The following FBXO11 variants were observed in gnomAD, a reference collection of about 807,000 sequenced individuals.
The protein encoded by FBXO11 is F-box only protein 11.
FBXO11 carries 13 observed loss-of-function variants against 117.0 expected under a neutral mutation model. The ratio of observed to expected loss-of-function variants is 0.11; its 90% CI spans 0.07 to 0.18. FBXO11 has a LOEUF of 0.18. FBXO11 is among the 10% of genes least tolerant of loss of function. The pLI is 1.00. For missense variants in FBXO11, 767 were observed against 1,164.4 expected, an observed-to-expected ratio of 0.66 and a Z score of 4.97; for synonymous variants, 490 against 380.5, an observed-to-expected ratio of 1.29 and a Z score of -3.35.
At position 47,886,193 on chromosome 2, in the gene FBXO11, A is replaced by G. The variant is rs926565280; in HGVS notation, c.232+19296T>C. On this transcript the variant is annotated intron_variant, in intron 1 of 22. Transcript: ENST00000403359. ...AGCTTAAAAACAGAAAAACCCTTTG[A>G]CCCAATAACCCACTTTTAAAAAGTG... 5.9e-5 allele frequency among the ~76,000 whole-genome samples: 9 copies of G among 152,158 alleles called. 1 individual carries two copies. The South Asian group carries it at 1.7e-3, about 28-fold the overall frequency.
chr2:47,884,491 T>C lies in FBXO11; in HGVS notation c.232+20998A>G, dbSNP rs570932202. 3.9e-5 allele frequency among the ~76,000 whole-genome samples: 6 copies of C among 152,368 alleles called. No homozygotes were observed. In the East Asian group the frequency reaches 1.2e-3, roughly 29 times the overall value. Reference sequence around the variant, plus strand: ...AATAACATAATCTGGAGTTTACATATGTCTTTCAGTTCACTGAAAACAGAG... The same window carrying C: ...AATAACATAATCTGGAGTTTACATACGTCTTTCAGTTCACTGAAAACAGAG... On this transcript the variant is annotated intron_variant, in intron 1 of 22. Coordinates refer to ENST00000403359, the MANE Select transcript of FBXO11 (RefSeq NM_001190274.2).
chr2:47,808,048 A>C lies in FBXO11; in HGVS notation c.*70T>G. 1 of 1,382,630 alleles carries C rather than the reference A, an allele frequency of 7.2e-7. No homozygotes were observed. Among genetic ancestry groups the C allele is most frequent in the East Asian group, 2.3e-5 (1 of 43,672 alleles). The allele number at this position is 1,382,630 out of a possible 1,614,324, so 85.6% of individuals were successfully genotyped here. On this transcript the variant is annotated 3_prime_UTR_variant, in exon 23 of 23. Transcript: ENST00000403359. ...TCCTGTAGCATGGGCAAATATTTTA[A>C]ATCTTCTTCCAAAAAAGTGTTTTAA...
At position 47,906,342 on chromosome 2, in the gene FBXO11, A is replaced by G. The variant is rs1678812904; in HGVS notation, c.-622T>C. 6.6e-6 allele frequency among the ~76,000 whole-genome samples: 1 copy of G among 151,672 alleles called. No individual in the cohort carries two copies. Among genetic ancestry groups the G allele is most frequent in the Admixed American group, 6.6e-5 (1 of 15,248 alleles). On this transcript the variant is annotated 5_prime_UTR_variant, in exon 1 of 23. Coordinates refer to ENST00000403359, the MANE Select transcript of FBXO11 (RefSeq NM_001190274.2). ...TTCTCTCCTCGGCGAAGGGGAAATGAGTGTGAAGGGAGGAGATAGGGGGAA... is the reference window on the plus strand; with the variant it reads ...TTCTCTCCTCGGCGAAGGGGAAATGGGTGTGAAGGGAGGAGATAGGGGGAA...
intron 1 of FBXO11, among the ~76,000 whole-genome samples, chr2:47,862,450 CTT>C (rs1423927759): frequency 6.6e-6 from 1 of 152,060 alleles, no homozygotes; most frequent in African/African-American, 2.4e-5. Context: ...GTGAGGCAAA[CTT>C]TTTATTTTTT....
chr2:47,814,949 A>C (rs1670906068), intron 16 of FBXO11, among the ~76,000 whole-genome samples: 1 of 152,208 alleles, frequency 6.6e-6, no homozygotes, highest in African/African-American at 2.4e-5. Flanking sequence ...CTCTTTGCTC[A>C]TCCGTAAGAA....
At chr2:47,811,940 C>T (rs945671506) in intron 18 of FBXO11, among the ~76,000 whole-genome samples, 2 of 151,928 alleles carry the variant, frequency 1.3e-5, no homozygotes, top group Non-Finnish European at 2.9e-5. Context: ...TAACATGTCC[C>T]ACCCCCTGCC....
chr2:47,866,069 T>C (rs1042017296), intron 1 of FBXO11, among the ~76,000 whole-genome samples: 18 of 151,678 alleles, frequency 1.2e-4, no homozygotes, highest in South Asian at 4.2e-4. Flanking sequence ...CTGGGCAACA[T>C]AGCAAGACTC....
rs564272608 is a variant in FBXO11 at position 47,852,963 on chromosome 2, A to G, written c.233-13194T>C. 8.5e-5 allele frequency among the ~76,000 whole-genome samples: 13 copies of G among 152,310 alleles called. No homozygotes were observed. The East Asian group carries it at 2.1e-3, about 25-fold the overall frequency. ...GAGCCCCCTACTCTTAATCTCTGTT[A>G]TACAATTAATTTTGCTAAATAATAT... On this transcript the variant is annotated intron_variant, in intron 1 of 22. Coordinates refer to ENST00000403359, the MANE Select transcript of FBXO11 (RefSeq NM_001190274.2).
chr2:47,887,932 C>T (rs1195864503), intron 1 of FBXO11, among the ~76,000 whole-genome samples: 3 of 152,050 alleles, frequency 2.0e-5, no homozygotes, highest in Admixed American at 6.6e-5. Context: ...GCAGAATGAT[C>T]TCTTGAGCCT....
At chr2:47,815,006 A>T (rs1435267702) in intron 16 of FBXO11, among the ~76,000 whole-genome samples, 1 of 152,188 alleles carries the variant, frequency 6.6e-6, no homozygotes. Flanking sequence ...GCAGCAATTC[A>T]GTCACATCTT....
rs953008490 is a variant in FBXO11, at chr2:47,883,644, G to C, written c.232+21845C>G. ...TTTATCTAACTACAACATTCAAAAG[G>C]AGTCTACTCTTCATCTTGTGTTGAG... is the stretch of plus-strand genomic sequence containing the variant. On this transcript the variant is annotated intron_variant, in intron 1 of 22. Coordinates refer to ENST00000403359, the MANE Select transcript of FBXO11 (RefSeq NM_001190274.2). 3.6e-5 allele frequency: 11 copies of C among 304,030 alleles called. No individual in the cohort carries two copies. In the East Asian group the frequency reaches 4.2e-4, roughly 11 times the overall value. 18.8% of individuals were successfully genotyped at this position (304,030 alleles called of 1,614,324 possible). A position where few individuals can be genotyped will look rare whatever the true frequency, so the allele number is the denominator to read the frequency against.
At chr2:47,850,020 T>C (rs1046465381) in intron 1 of FBXO11, among the ~76,000 whole-genome samples, 4 of 152,262 alleles carry the variant, frequency 2.6e-5, no homozygotes, top group Non-Finnish European at 1.5e-5. Context: ...TGGAAATGAA[T>C]AGCACTGGTG....
At chr2:47,842,373 C>G (rs1370750567) in intron 1 of FBXO11, among the ~76,000 whole-genome samples, 4 of 152,146 alleles carry the variant, frequency 2.6e-5, no homozygotes, top group African/African-American at 9.7e-5. Context: ...TGGCAAAGTT[C>G]TAGTTCTTGC....
At chr2:47,857,439 T>A (rs1474304951) in intron 1 of FBXO11, among the ~76,000 whole-genome samples, 2 of 152,126 alleles carry the variant, frequency 1.3e-5, no homozygotes, top group Non-Finnish European at 2.9e-5. Context: ...TATGGTCTCA[T>A]ACAGACATAC....
At chr2:47,839,809 T>A in intron 1 of FBXO11, 40 bp from the exon 2 acceptor site, 1 of 1,568,662 alleles carries the variant, frequency 6.4e-7, no homozygotes, top group Non-Finnish European at 8.6e-7. Flanking sequence ...TATACCCTTT[T>A]TAAAAAAAGT....
At chr2:47,894,179 T>A (rs975253173) in intron 1 of FBXO11, among the ~76,000 whole-genome samples, 2 of 152,178 alleles carry the variant, frequency 1.3e-5, no homozygotes, top group Non-Finnish European at 2.9e-5. Context: ...TCAAGGATGC[T>A]GGGCAGAGGC....
chr2:47,894,775 A>C (rs1015358938), intron 1 of FBXO11, among the ~76,000 whole-genome samples: 1 of 152,220 alleles, frequency 6.6e-6, no homozygotes, highest in African/African-American at 2.4e-5. Flanking sequence ...TGTGGATAAA[A>C]AATTTTAGCA....
At chr2:47,866,733 A>G (rs1478620674) in intron 1 of FBXO11, among the ~76,000 whole-genome samples, 1 of 152,024 alleles carries the variant, frequency 6.6e-6, no homozygotes, top group Non-Finnish European at 1.5e-5. Flanking sequence ...CGGCCTCCCA[A>G]AGTGCTGGGA....
At chr2:47,813,696 G>A (rs1038356570) in intron 17 of FBXO11, 95 bp downstream of exon 17, 23 of 1,007,566 alleles carry the variant, frequency 2.3e-5, no homozygotes, top group South Asian at 5.6e-5. Context: ...GCCTCCCAAA[G>A]TGCTGGGATT....
Sources: gnomAD v4.1 joint callset for allele counts (sites outside exome capture counted in the v4.1 genomes callset) on GRCh38, gnomAD v4.1.1 for gene constraint, MANE v1.5 for transcripts, NCBI Gene and HGNC (gene_info 2026-07-23, HGNC 2026-07-21) for gene names.